Variants in MYH15 observed in about 807,000 individuals in gnomAD.
The protein encoded by MYH15 is myosin-15.
Under a neutral mutation model 240.5 loss-of-function variants are expected in MYH15, and 227 were observed. That is an observed-to-expected ratio of 0.94 (90% confidence interval 0.85 to 1.05). The LOEUF (loss-of-function observed/expected upper bound fraction) is 1.05, where lower values mean the gene tolerates loss of function less well. Ranked by LOEUF, MYH15 falls within the 50% of genes least tolerant of loss-of-function variation. The pLI, the probability that MYH15 is intolerant of heterozygous loss-of-function variation, is 0.00. For synonymous variants in MYH15, 785 were observed against 796.7 expected, an observed-to-expected ratio of 0.99 and a Z score of 0.25; for missense variants, 2,217 against 2,247.5, an observed-to-expected ratio of 0.99 and a Z score of 0.27.
intron 25 of MYH15, among the ~76,000 whole-genome samples, chr3:108,434,927 C>A (rs895602560): frequency 1.3e-5 from 2 of 152,102 alleles, no homozygotes; most frequent in African/African-American, 2.4e-5. Flanking sequence ...ATTACTATTT[C>A]ATTGTTTTAT....
chr3:108,522,095 T>G (rs1204929325), intron 1 of MYH15, among the ~76,000 whole-genome samples: 2 of 152,114 alleles, frequency 1.3e-5, no homozygotes, highest in African/African-American at 2.4e-5. Flanking sequence ...TAAGCCTGTT[T>G]CCATTTTTGA....
intron 16 of MYH15, 124 bp from the exon 17 acceptor site, chr3:108,460,491 C>T: frequency 1.8e-6 from 1 of 566,420 alleles, no homozygotes. Flanking sequence ...CAATATCTAC[C>T]AAAAGCTTCA....
intron 32 of MYH15, 117 bp downstream of exon 32, chr3:108,408,163 G>C (rs2082560164): frequency 2.6e-6 from 3 of 1,174,362 alleles, no homozygotes; most frequent in Admixed American, 2.4e-5. Context: ...AGAGTGCCTA[G>C]CATATAGTAA....
chr3:108,398,547 G>A lies in MYH15; in HGVS notation c.5133+90C>T, dbSNP rs908391789. On this transcript the variant is annotated intron_variant, in intron 35 of 40. Transcript: ENST00000693548. ...AGGCACATCCAAGACTTAACAGGGCGACTGTGCATGGTCCAAGGCCGCCCC... is the reference window on the plus strand; with the variant it reads ...AGGCACATCCAAGACTTAACAGGGCAACTGTGCATGGTCCAAGGCCGCCCC... 22 of 1,236,912 alleles carry A rather than the reference G, an allele frequency of 1.8e-5. No individual in the cohort carries two copies. In the Middle Eastern group the frequency reaches 1.1e-3, roughly 60 times the overall value. The allele number at this position is 1,236,912 out of a possible 1,614,324, so 76.6% of individuals were successfully genotyped here.
intron 21 of MYH15, among the ~76,000 whole-genome samples, chr3:108,452,571 C>T (rs916868499): frequency 1.3e-5 from 2 of 151,782 alleles, no homozygotes; most frequent in Admixed American, 1.3e-4. Flanking sequence ...AACTTCAGGA[C>T]AATATATACA....
chr3:108,510,514 A>G lies in MYH15; in HGVS notation c.17T>C (p.Leu6Pro). ...TCTGAGGAAGGCTGCGGCTTCTCCA[A>G]GGTCTGACAGATCCATCTTTATTAA... MDLSD[L>P]GEAAAFLRRS... is the part of the protein sequence containing the mutation. The change falls in exon 1 of 41, where the codon CTT becomes CCT. Residue 6 changes from leucine (L) to proline (P), a missense_variant. Coordinates refer to ENST00000693548, the MANE Select transcript of MYH15 (RefSeq NM_014981.3). 1.2e-6 allele frequency: 2 copies of G among 1,613,696 alleles called. No homozygotes were observed. Among genetic ancestry groups the G allele is most frequent in the Non-Finnish European group, 8.5e-7 (1 of 1,179,764 alleles).
At chr3:108,429,826 T>C (rs2082762855) in intron 26 of MYH15, among the ~76,000 whole-genome samples, 1 of 152,174 alleles carries the variant, frequency 6.6e-6, no homozygotes, top group Non-Finnish European at 1.5e-5. Flanking sequence ...TTAAAGAAAG[T>C]ATGATTTCCA....
At chr3:108,504,343 T>A (rs2083458349) in intron 2 of MYH15, among the ~76,000 whole-genome samples, 2 of 152,246 alleles carry the variant, frequency 1.3e-5, no homozygotes, top group South Asian at 4.1e-4. Context: ...CACCAAGTTC[T>A]TTTCTTAATT....
chr3:108,411,415 T>A (rs566040100), intron 30 of MYH15, among the ~76,000 whole-genome samples: 2 of 152,304 alleles, frequency 1.3e-5, no homozygotes, highest in South Asian at 4.2e-4. Flanking sequence ...ATGTGGCTCC[T>A]CAACATGACA....
At chr3:108,494,904 G>A (rs2083379512) in intron 7 of MYH15, among the ~76,000 whole-genome samples, 1 of 151,228 alleles carries the variant, frequency 6.6e-6, no homozygotes, top group African/African-American at 2.4e-5. Context: ...GCTCCCCTTT[G>A]CCTCCCTTGC....
chr3:108,474,548 AT>A (rs2083204720), intron 12 of MYH15, among the ~76,000 whole-genome samples: 1 of 151,560 alleles, frequency 6.6e-6, no homozygotes, highest in Admixed American at 6.6e-5. Flanking sequence ...ACAGAATGAT[AT>A]TTTGATACAT....
chr3:108,494,225 TCACA>T (rs911545919), intron 7 of MYH15, among the ~76,000 whole-genome samples: 27 of 151,802 alleles, frequency 1.8e-4, no homozygotes, highest in African/African-American at 6.5e-4. Context: ...ACAGTGGGAG[TCACA>T]CACACAAACA....
Position 108,519,962 on chromosome 3 carries a change from AATAG to A in MYH15, c.-58+9297_-58+9300del, listed in dbSNP as rs1319984142. ...ACAATTGTAGTCAACATCTTTGCATAATAGATATTCAGATACACTTATCTAAAAT... is the reference window on the plus strand; with the variant it reads ...ACAATTGTAGTCAACATCTTTGCATAATATTCAGATACACTTATCTAAAAT... On this transcript the variant is annotated intron_variant, in intron 1 of 41. Coordinates refer to the MYH15 transcript ENST00000273353. Among the ~76,000 whole-genome samples the A allele has an allele frequency of 2.6e-5, 4 of 152,338 alleles. No individual in the cohort carries two copies. The East Asian group carries it at 5.8e-4, about 22-fold the overall frequency.
At chr3:108,417,335 C>T (rs1013229370) in intron 28 of MYH15, among the ~76,000 whole-genome samples, 11 of 152,202 alleles carry the variant, frequency 7.2e-5, no homozygotes, top group East Asian at 3.9e-4. Context: ...ATACACAGTT[C>T]GTAATTGGTG....
At chr3:108,515,823 T>C (rs1248934535) in intron 1 of MYH15, among the ~76,000 whole-genome samples, 1 of 152,172 alleles carries the variant, frequency 6.6e-6, no homozygotes, top group Non-Finnish European at 1.5e-5. Context: ...TGCAAAATCA[T>C]AATGGAGGAT....
At chr3:108,414,508 T>A in intron 29 of MYH15, 80 bp from the exon 30 acceptor site, 3 of 1,276,536 alleles carry the variant, frequency 2.4e-6, no homozygotes, top group Admixed American at 2.6e-5. Context: ...ATTTTTTTTT[T>A]AGGTAAGATT....
In MYH15 at chr3:108,433,395, G is replaced by A. The variant is rs6781591; in HGVS notation, c.3222-2473C>T. Among the ~76,000 whole-genome samples the A allele has an allele frequency of 4.7e-3, 716 of 152,314 alleles. 4 individuals carry two copies. Among genetic ancestry groups the A allele is most frequent in the African/African-American group, 0.014 (572 of 41,564 alleles). On this transcript the variant is annotated intron_variant, in intron 25 of 40. Transcript: ENST00000693548. ...CTTGCCTTGTCTTGGATAAGACTTT[G>A]GATTGTGGACTTTTGAGTTAAAGCC...
At chr3:108,469,839 A>T (rs1034854495) in intron 14 of MYH15, among the ~76,000 whole-genome samples, 2 of 152,224 alleles carry the variant, frequency 1.3e-5, no homozygotes, top group African/African-American at 4.8e-5. Flanking sequence ...TGCATTAGAG[A>T]TGATGGAGTG....
chr3:108,540,821 T>C, the MYH15 span, among the ~76,000 whole-genome samples: 2 of 152,140 alleles, frequency 1.3e-5, no homozygotes, highest in African/African-American at 4.8e-5. Flanking sequence ...TATGAAAATG[T>C]AAATTTTTTT....
Sources: gnomAD v4.1 joint callset for allele counts (sites outside exome capture counted in the v4.1 genomes callset) on GRCh38, gnomAD v4.1.1 for gene constraint, MANE v1.5 for transcripts, NCBI Gene and HGNC (gene_info 2026-07-23, HGNC 2026-07-21) for gene names.